The following NOTCH2 variants were observed in gnomAD, a reference collection of about 807,000 sequenced individuals.
The protein encoded by NOTCH2 is neurogenic locus notch homolog protein 2.
NOTCH2 carries 29 observed loss-of-function variants against 235.8 expected under a neutral mutation model. The ratio of observed to expected loss-of-function variants is 0.12; its 90% CI spans 0.09 to 0.17. The LOEUF (loss-of-function observed/expected upper bound fraction) is 0.17, where lower values mean the gene tolerates loss of function less well. Among genes scored for constraint, NOTCH2 ranks in the 10% least tolerant of loss-of-function variants. NOTCH2 has a pLI of 1.00. For missense variants in NOTCH2, 2,285 were observed against 3,150.2 expected, an observed-to-expected ratio of 0.73 and a Z score of 6.57; for synonymous variants, 1,086 against 1,141.5, an observed-to-expected ratio of 0.95 and a Z score of 0.98.
chr1:119,928,262 T>C (rs1484788501), intron 23 of NOTCH2, among the ~76,000 whole-genome samples: 2 of 152,204 alleles, frequency 1.3e-5, no homozygotes, highest in South Asian at 2.1e-4. Flanking sequence ...AGTAGGAACA[T>C]GGCCAAGCCT....
rs769520444 is a variant in NOTCH2, at chr1:119,915,310, G to A, written c.7412C>T (p.Ala2471Val). 21 of 1,612,842 alleles carry A rather than the reference G, an allele frequency of 1.3e-5. No homozygotes were observed. Among genetic ancestry groups the A allele is most frequent in the South Asian group, 3.3e-5 (3 of 91,040 alleles). ...CTACACTGGAGGTGGACTCTCTCACGCATAAACCTGCATGTTGTTGTGTGG... is the reference window on the plus strand; with the variant it reads ...CTACACTGGAGGTGGACTCTCTCACACATAAACCTGCATGTTGTTGTGTGG... ...EPPHNNMQVY[A>V] Residue 2471 changes from alanine (A) to valine (V), a missense_variant, in exon 34 of 34, where the codon GCG becomes GTG. Ala to Val is a moderately conservative substitution (Grantham distance 64, BLOSUM62 0). Coordinates refer to ENST00000256646, the MANE Select transcript of NOTCH2 (RefSeq NM_024408.4).
chr1:119,966,330 G>T, intron 9 of NOTCH2, 46 bp downstream of exon 9: 2 of 1,276,590 alleles, frequency 1.6e-6, no homozygotes, highest in Non-Finnish European at 2.3e-6. Flanking sequence ...GTGGTCAGTT[G>T]GCTTTGTGCT....
Position 119,920,607 on chromosome 1 carries a change from C to T in NOTCH2, c.5311-210G>A, listed in dbSNP as rs835574. On this transcript the variant is annotated intron_variant, in intron 29 of 33. Transcript: ENST00000256646. The stretch of plus-strand genomic sequence containing the variant: ...TACCTTTCCTGCATCATCTAGACAA[C>T]TCCCTCCCCCAATCCCAAACTCTAG... 0.33 allele frequency among the ~76,000 whole-genome samples: 50,798 copies of T among 152,068 alleles called. 15,645 individuals are homozygous for T. Among genetic ancestry groups the T allele is most frequent in the African/African-American group, 0.82 (34,108 of 41,428 alleles).
intron 1 of NOTCH2, among the ~76,000 whole-genome samples, chr1:120,046,018 T>C (rs1553213566): frequency 2.6e-5 from 4 of 152,150 alleles, no homozygotes; most frequent in Non-Finnish European, 5.9e-5. Context: ...GACATTTATA[T>C]AATGTATAAA....
In NOTCH2 at chr1:119,922,382, AATG is replaced by A; in HGVS notation, c.5064_5066del (p.Ile1689del). On this transcript the variant is annotated inframe_deletion, in exon 28 of 34. Coordinates refer to ENST00000256646, the MANE Select transcript of NOTCH2 (RefSeq NM_024408.4). Reference sequence around the variant, plus strand: ...TTACCCCCAGCAGAATAATAAACAGAATGATGACAACAGCAACAGCAAGGAGAT... The same window carrying A: ...TTACCCCCAGCAGAATAATAAACAGAATGACAACAGCAACAGCAAGGAGAT... The A allele has an allele frequency of 6.2e-7, 1 of 1,614,142 alleles. No individual in the cohort carries two copies. Among genetic ancestry groups the A allele is most frequent in the South Asian group, 1.1e-5 (1 of 91,076 alleles).
Position 119,968,214 on chromosome 1 carries a change from T to A in NOTCH2, c.1127A>T (p.Asp376Val), listed in dbSNP as rs1651219991. Residue 376 changes from aspartate to valine, a missense_variant, in exon 7 of 34, where the codon GAT (aspartate) becomes GTT (valine). Coordinates refer to ENST00000256646, the MANE Select transcript of NOTCH2 (RefSeq NM_024408.4). ...GCAAGGATTGCTGATGCATGCATCA[T>A]CCAGATGACACAGGAGACCTGTCAC... Reference protein sequence around the residue: ...EGKAGLLCHLDDACISNPCHK... With the variant: ...EGKAGLLCHLVDACISNPCHK... The A allele has an allele frequency of 6.2e-7, 1 of 1,613,894 alleles. No individual in the cohort carries two copies. Among genetic ancestry groups the A allele is most frequent in the African/African-American group, 1.3e-5 (1 of 75,026 alleles).
At chr1:120,000,317 T>C (rs1244664755) in intron 3 of NOTCH2, among the ~76,000 whole-genome samples, 4 of 152,034 alleles carry the variant, frequency 2.6e-5, no homozygotes, top group Admixed American at 6.5e-5. Flanking sequence ...AGGTGGATCA[T>C]GAGGTCAGGC....
In NOTCH2 at chr1:119,925,698, T is replaced by C; in HGVS notation, c.4118A>G (p.Asp1373Gly). Residue 1373 changes from aspartate (D) to glycine (G), a missense_variant, in exon 25 of 34, where the codon GAC becomes GGC. This residue lies in a region of NOTCH2 where 1,173 missense variants were observed against 1,515.3 expected (regional missense o/e 0.77). Transcript: ENST00000256646. ...GPRCFCPSPR[D>G]CESGCASSPC... is the part of the protein sequence containing the mutation. The stretch of plus-strand genomic sequence containing the variant: ...GCTACTGGCACAGCCTGACTCGCAG[T>C]CCCGGGGACTGGGGCAGAAGCAGCG... 6.2e-7 allele frequency: 1 copy of C among 1,612,514 alleles called. No homozygotes were observed. The highest frequency in any genetic ancestry group is 8.5e-7 in the Non-Finnish European group (1 of 1,178,828).
rs764772186 is a variant in NOTCH2 at position 119,922,432 on chromosome 1, G to T, written c.5017C>A (p.Pro1673Thr). The stretch of plus-strand genomic sequence containing the variant: ...AGATAGAGGAGCTGAGTGCGTTCTG[G>T]AGTCAGGGATTCACCTGAAAGTCCA... Reference protein sequence around the residue: ...LVSVVSESLTPERTQLLYLLA... With the variant: ...LVSVVSESLTTERTQLLYLLA... Residue 1673 changes from proline to threonine, a missense_variant, in exon 28 of 34, where the codon CCA becomes ACA. Physicochemically the swap from Pro to Thr is conservative, Grantham distance 38. Transcript: ENST00000256646. 6.2e-7 allele frequency: 1 copy of T among 1,612,414 alleles called. No homozygotes were observed.
chr1:119,969,469 CT>C (rs1557826644), intron 6 of NOTCH2, 41 bp downstream of exon 6: 3 of 1,556,748 alleles, frequency 1.9e-6, no homozygotes, highest in East Asian at 4.6e-5. Flanking sequence ...TGAATGCCCC[CT>C]GCCCCTTCCC....
Position 119,915,589 on chromosome 1 carries a change from G to C in NOTCH2, c.7133C>G (p.Ala2378Gly), listed in dbSNP as rs2101141752. The C allele has an allele frequency of 1.2e-6, 2 of 1,614,036 alleles. No homozygotes were observed. The highest frequency in any genetic ancestry group is 8.5e-7 in the Non-Finnish European group (1 of 1,180,042). Reference sequence around the variant, plus strand: ...GGGTGTGGGGTACTTGCCCACAGAGGCTGGGAAAGGATGATAGGCTGGGAG... The same window carrying C: ...GGGTGTGGGGTACTTGCCCACAGAGCCTGGGAAAGGATGATAGGCTGGGAG... ...TILPAYHPFP[A>G]SVGKYPTPPS... The change falls in exon 34 of 34, where the codon GCC becomes GGC. Residue 2378 changes from alanine to glycine, a missense_variant. By Grantham distance (60) the Ala-to-Gly change is moderately conservative. Coordinates refer to ENST00000256646, the MANE Select transcript of NOTCH2 (RefSeq NM_024408.4).
chr1:119,924,510 A>G (rs1012334001), intron 25 of NOTCH2, among the ~76,000 whole-genome samples: 1 of 152,208 alleles, frequency 6.6e-6, no homozygotes, highest in African/African-American at 2.4e-5. Flanking sequence ...ATGTCCTTAT[A>G]GCACACCAGA....
intron 5 of NOTCH2, among the ~76,000 whole-genome samples, chr1:119,978,662 C>T (rs1249782051): frequency 2.0e-5 from 3 of 152,182 alleles, no homozygotes; most frequent in Non-Finnish European, 4.4e-5. Context: ...AGCTGACCCC[C>T]GCCACAGAGA....
chr1:119,940,497 C>G (rs782232825), intron 19 of NOTCH2, 58 bp downstream of exon 19: 1 of 1,446,038 alleles, frequency 6.9e-7, no homozygotes, highest in Non-Finnish European at 9.7e-7. Context: ...AGAAAGTGAA[C>G]AGGTATAATA....
At chr1:119,957,839 C>CACAT (rs1442183483) in intron 12 of NOTCH2, among the ~76,000 whole-genome samples, 2 of 140,452 alleles carry the variant, frequency 1.4e-5, no homozygotes, top group East Asian at 4.3e-4. Context: ...AACACACACA[C>CACAT]ACACACACAC....
intron 3 of NOTCH2, among the ~76,000 whole-genome samples, chr1:120,001,904 GAATGGCCTTTTGCAGTCACAATTAC>G (rs1652770106): frequency 6.6e-6 from 1 of 152,050 alleles, no homozygotes; most frequent in Non-Finnish European, 1.5e-5. Flanking sequence ...CAGAACGGTG[GAATGGCCTTTTGCAGTCACAATTAC>G]AATGCCAACT....
intron 1 of NOTCH2, among the ~76,000 whole-genome samples, chr1:120,058,181 A>G (rs1177590501): frequency 6.6e-6 from 1 of 152,134 alleles, no homozygotes; most frequent in South Asian, 2.1e-4. Flanking sequence ...AAAAATCAAA[A>G]AAGAAAAAAA....
Position 119,921,779 on chromosome 1 carries a change from G to T in NOTCH2, c.5244C>A (p.Asn1748Lys). The part of the protein sequence containing the change: ...KNLSVQVSEA[N>K]LIGTGTSEHW... ...GTTCACTTGTTCCAGTACCAATTAG[G>T]TTAGCTTCTGAGACTTGCACTGAGA... is the stretch of plus-strand genomic sequence containing the variant. Residue 1748 changes from asparagine (N) to lysine (K), a missense_variant, in exon 29 of 34, where the codon AAC (asparagine) becomes AAA (lysine). Coordinates refer to ENST00000256646, the MANE Select transcript of NOTCH2 (RefSeq NM_024408.4). 1.2e-6 allele frequency: 2 copies of T among 1,614,080 alleles called. No homozygotes were observed. Among genetic ancestry groups the T allele is most frequent in the Non-Finnish European group, 1.7e-6 (2 of 1,179,944 alleles).
At chr1:119,938,267 C>T (rs192290964) in intron 19 of NOTCH2, among the ~76,000 whole-genome samples, 7 of 151,906 alleles carry the variant, frequency 4.6e-5, no homozygotes, top group African/African-American at 1.4e-4. Flanking sequence ...CGATATATAA[C>T]GAAACCAATT....
Sources: gnomAD v4.1 joint callset for allele counts (sites outside exome capture counted in the v4.1 genomes callset) on GRCh38, gnomAD v4.1.1 for gene constraint, gnomAD v4.1.1 regional missense constraint, MANE v1.5 for transcripts, NCBI Gene and HGNC (gene_info 2026-07-23, HGNC 2026-07-21) for gene names.